Variants in KCNH7 observed in about 807,000 individuals in gnomAD.
KCNH7 encodes potassium voltage-gated channel subfamily H member 7.
KCNH7 carries 49 observed loss-of-function variants against 120.8 expected under a neutral mutation model. The ratio of observed to expected loss-of-function variants is 0.41; its 90% CI spans 0.32 to 0.51. The LOEUF (loss-of-function observed/expected upper bound fraction) is 0.51. Ranked by LOEUF, KCNH7 falls within the 20% of genes least tolerant of loss-of-function variation. The pLI is 0.38. For missense variants in KCNH7, 1,097 were observed against 1,446.6 expected (o/e 0.76, Z 3.92); for synonymous variants, 547 against 516.1 (o/e 1.06, Z -0.81).
At chr2:162,752,508 A>G (rs1688587144) in intron 2 of KCNH7, among the ~76,000 whole-genome samples, 1 of 152,104 alleles carries the variant, frequency 6.6e-6, no homozygotes, top group Non-Finnish European at 1.5e-5. Flanking sequence ...TTCATTTCCT[A>G]TGAATTATAT....
At chr2:162,479,757 AGAG>A (rs1332040781) in intron 6 of KCNH7, among the ~76,000 whole-genome samples, 1 of 151,974 alleles carries the variant, frequency 6.6e-6, no homozygotes, top group East Asian at 1.9e-4. Context: ...CAAAAGCTGA[AGAG>A]AAATAATATT....
intron 2 of KCNH7, among the ~76,000 whole-genome samples, chr2:162,597,394 G>T (rs1307947722): frequency 6.6e-6 from 1 of 152,022 alleles, no homozygotes; most frequent in Non-Finnish European, 1.5e-5. Context: ...GTGACAACAT[G>T]GATGAACTTA....
chr2:162,551,626 A>G (rs1387715515), intron 2 of KCNH7, among the ~76,000 whole-genome samples: 1 of 152,176 alleles, frequency 6.6e-6, no homozygotes, highest in Non-Finnish European at 1.5e-5. Flanking sequence ...TTCAGCTAAA[A>G]ATTATTCTAC....
At chr2:162,707,340 G>C (rs1686748049) in intron 2 of KCNH7, among the ~76,000 whole-genome samples, 1 of 151,978 alleles carries the variant, frequency 6.6e-6, no homozygotes, top group African/African-American at 2.4e-5. Flanking sequence ...ATATCAGTTG[G>C]TAATGGCCAA....
intron 8 of KCNH7, among the ~76,000 whole-genome samples, chr2:162,426,129 GC>G (rs1265807405): frequency 1.3e-5 from 2 of 150,808 alleles, no homozygotes; most frequent in South Asian, 2.1e-4. Context: ...CACGAGAATT[GC>G]TTGATCCAGG....
Position 162,430,557 on chromosome 2 carries a change from C to A in KCNH7, c.1954+4641G>T, listed in dbSNP as rs558815851. The stretch of plus-strand genomic sequence containing the variant: ...CTGTGGTCCAGGAAGTGCCTCCAGG[C>A]AAAAAGCCAAGATAACACGTGGCCC... On this transcript the variant is annotated intron_variant, in intron 8 of 15. Coordinates refer to ENST00000332142, the MANE Select transcript of KCNH7 (RefSeq NM_033272.4). 5.7e-4 allele frequency among the ~76,000 whole-genome samples: 87 copies of A among 152,160 alleles called. 1 individual carries two copies. Among genetic ancestry groups the A allele is most frequent in the Middle Eastern group, 6.8e-3 (2 of 294 alleles).
chr2:162,471,227 C>T (rs917070049), intron 6 of KCNH7, among the ~76,000 whole-genome samples: 1 of 149,250 alleles, frequency 6.7e-6, no homozygotes, highest in African/African-American at 2.5e-5. Flanking sequence ...GCGAGAAACA[C>T]CCAAGAATGA....
chr2:162,710,140 G>C (rs927984219), intron 2 of KCNH7, among the ~76,000 whole-genome samples: 4 of 152,038 alleles, frequency 2.6e-5, no homozygotes, highest in African/African-American at 9.7e-5. Flanking sequence ...GCTCCATATC[G>C]TATGAAATAA....
Position 162,564,999 on chromosome 2 carries a change from G to A in KCNH7, c.308-27919C>T, listed in dbSNP as rs901235260. Among the ~76,000 whole-genome samples the A allele has an allele frequency of 2.0e-5, 3 of 152,026 alleles. No homozygotes were observed. The East Asian group carries it at 5.8e-4, about 29-fold the overall frequency. ...TCAGCTCAGAGATGGATTAGTAATG[G>A]TATATCCCCTTAACCTCCAAAGTAA... On this transcript the variant is annotated intron_variant, in intron 2 of 15. Transcript: ENST00000332142.
chr2:162,786,141 G>T (rs1217283767), intron 2 of KCNH7, among the ~76,000 whole-genome samples: 1 of 151,810 alleles, frequency 6.6e-6, no homozygotes, highest in Non-Finnish European at 1.5e-5. Context: ...TACTCAGGGG[G>T]CTGAGGCAGG....
intron 14 of KCNH7, among the ~76,000 whole-genome samples, chr2:162,377,263 G>C (rs1255253954): frequency 7.1e-6 from 1 of 140,788 alleles, no homozygotes; most frequent in South Asian, 2.2e-4. Context: ...TCCCAAACGA[G>C]CAAAAAAAAA....
intron 2 of KCNH7, among the ~76,000 whole-genome samples, chr2:162,717,955 G>T (rs1487542154): frequency 2.6e-5 from 4 of 151,886 alleles, no homozygotes; most frequent in Admixed American, 2.6e-4. Context: ...TAACTGACAT[G>T]ATTAACTCCA....
chr2:162,421,870 T>C (rs1687717034), intron 9 of KCNH7, among the ~76,000 whole-genome samples: 1 of 152,122 alleles, frequency 6.6e-6, no homozygotes, highest in Admixed American at 6.6e-5. Context: ...AATCTGGCAG[T>C]ATGGAACAAC....
At position 162,752,900 on chromosome 2, in the gene KCNH7, CAGAAA is replaced by C. The variant is rs1574342645; in HGVS notation, c.307+83632_307+83636del. Among the ~76,000 whole-genome samples, 7 of 6,912 alleles carry C rather than the reference CAGAAA, an allele frequency of 1.0e-3. No homozygotes were observed. In the East Asian group the frequency reaches 0.012, roughly 12 times the overall value. 4.5% of individuals were successfully genotyped at this position (6,912 alleles called of 152,430 possible). A position where few individuals can be genotyped will look rare whatever the true frequency, so the allele number is the denominator to read the frequency against. ...TGGGCAAAAGAGCAAGACTACATCT[CAGAAA>C]AAGAAAAGAAAAGAAAAGAAAAGAA... On this transcript the variant is annotated intron_variant, in intron 2 of 15. Coordinates refer to ENST00000332142, the MANE Select transcript of KCNH7 (RefSeq NM_033272.4).
chr2:162,532,199 C>T (rs1191745589), intron 3 of KCNH7, among the ~76,000 whole-genome samples: 1 of 151,882 alleles, frequency 6.6e-6, no homozygotes, highest in Non-Finnish European at 1.5e-5. Context: ...GCATAATTGG[C>T]TCAGAAAAGC....
At chr2:162,587,178 T>G (rs1008781660) in intron 2 of KCNH7, among the ~76,000 whole-genome samples, 2 of 152,132 alleles carry the variant, frequency 1.3e-5, no homozygotes, top group Non-Finnish European at 2.9e-5. Flanking sequence ...TATTTATGAA[T>G]GACCTGCCAG....
chr2:162,650,670 T>C (rs1684532850), intron 2 of KCNH7, among the ~76,000 whole-genome samples: 1 of 151,830 alleles, frequency 6.6e-6, no homozygotes, highest in Non-Finnish European at 1.5e-5. Context: ...TTCTCCCTCA[T>C]GGAAACTAAC....
intron 2 of KCNH7, among the ~76,000 whole-genome samples, chr2:162,667,907 A>C (rs1212185650): frequency 6.6e-6 from 1 of 152,212 alleles, no homozygotes; most frequent in Non-Finnish European, 1.5e-5. Context: ...TAAAACAGTG[A>C]GTAGAATGTT....
chr2:162,836,613 A>G lies in KCNH7; in HGVS notation c.231T>C (p.His77=), dbSNP rs1025766154. ...DFLHGPETKR[H]DIAQIAQALL... is the part of the protein sequence containing the mutation. ...ATGCCTGGGCAATTTGGGCAATATC[A>G]TGCCTCTTGGTCTCGGGTCCATGGA... The change falls in exon 2 of 16, where the codon CAT becomes CAC. Residue 77 remains histidine (H), a synonymous_variant. Coordinates refer to ENST00000332142, the MANE Select transcript of KCNH7 (RefSeq NM_033272.4). The G allele has an allele frequency of 6.2e-7, 1 of 1,613,932 alleles. No homozygotes were observed. Among genetic ancestry groups the G allele is most frequent in the South Asian group, 1.1e-5 (1 of 91,048 alleles).
Sources: allele counts gnomAD v4.1 joint callset (sites outside exome capture counted in the v4.1 genomes callset), GRCh38; gene constraint gnomAD v4.1.1; transcripts MANE v1.5; gene names NCBI Gene and HGNC (gene_info 2026-07-23, HGNC 2026-07-21).